MCM3: variants seen among roughly 807,000 people sequenced by gnomAD.
MCM3 encodes DNA replication licensing factor MCM3.
MCM3 carries 59 observed loss-of-function variants against 91.3 expected under a neutral mutation model. That is an observed-to-expected ratio of 0.65 (90% CI 0.52 to 0.80). The LOEUF is 0.80. Ranked by LOEUF, MCM3 falls within the 30% of genes least tolerant of loss-of-function variation. MCM3 has a pLI of 0.00. For synonymous variants in MCM3, 383 were observed against 379.6 expected (o/e 1.01, Z -0.10); for missense variants, 919 against 1,035.4 (o/e 0.89, Z 1.54).
chr6:52,268,762 AC>A (rs1225916791), intron 13 of MCM3, among the ~76,000 whole-genome samples: 1 of 151,788 alleles, frequency 6.6e-6, no homozygotes. Context: ...TTTTGAAAAC[AC>A]CTACTTTTTT....
At chr6:52,273,978 CT>C in intron 9 of MCM3, 62 bp from the exon 10 acceptor site, 1 of 1,370,206 alleles carries the variant, frequency 7.3e-7, no homozygotes, top group Non-Finnish European at 1.0e-6. Flanking sequence ...AACAACAAGG[CT>C]GCTGCAGTTC....
At chr6:52,272,720 C>G (rs2294829) in intron 11 of MCM3, among the ~76,000 whole-genome samples, 4 of 152,092 alleles carry the variant, frequency 2.6e-5, no homozygotes, top group South Asian at 2.1e-4. Flanking sequence ...CAGAGAAGCT[C>G]AAGTTGACTA....
chr6:52,271,509 G>A (rs1380638872), intron 12 of MCM3, among the ~76,000 whole-genome samples: 1 of 152,120 alleles, frequency 6.6e-6, no homozygotes, highest in African/African-American at 2.4e-5. Flanking sequence ...GGGTGTAGTG[G>A]TGCATGCCTG....
At position 52,283,387 on chromosome 6, in the gene MCM3, TGATA is replaced by T. The variant is rs1255601246; in HGVS notation, c.94_97del (p.Tyr32ArgfsTer7). 1.2e-6 allele frequency: 2 copies of T among 1,614,068 alleles called. No individual in the cohort carries two copies. The highest frequency in any genetic ancestry group is 2.2e-5 in the South Asian group (2 of 91,084). On this transcript the variant is annotated frameshift_variant, in exon 2 of 17. Coordinates refer to ENST00000596288, the MANE Select transcript of MCM3 (RefSeq NM_002388.6). LOFTEE classifies it high-confidence loss of function. ...ACTGATCAGCTCCCGAACTTTGCTC[TGATA>T]AATTCCCTGGTCTTCCTGCAAAACA...
intron 10 of MCM3, 85 bp from the exon 11 acceptor site, chr6:52,273,441 G>A: frequency 1.4e-6 from 2 of 1,386,602 alleles, no homozygotes; most frequent in Non-Finnish European, 2.0e-6. Context: ...AAGAAGGGGA[G>A]ACACCAAGAT....
rs773409479 is a variant in MCM3 at position 52,284,603 on chromosome 6, G to T, written c.72C>A (p.Asp24Glu). 1 of 1,607,230 alleles carries T rather than the reference G, an allele frequency of 6.2e-7. No homozygotes were observed. The highest frequency in any genetic ancestry group is 8.5e-7 in the Non-Finnish European group (1 of 1,178,266). ...EAQRDYLDFL[D>E]DEEDQGIYQS... ...GCGCCGGCGCCTCCCTCACCTCGTC[G>T]TCCAGGAAGTCCAGGTAATCTCTCT... Residue 24 changes from aspartate to glutamate, a missense_variant, in exon 1 of 17, where the codon GAC becomes GAA. This residue lies in a region of MCM3 where 401 missense variants were observed against 402.7 expected (regional missense o/e 1.00). Transcript: ENST00000596288.
Position 52,276,121 on chromosome 6 carries a change from A to G in MCM3, c.1374+147T>C, listed in dbSNP as rs187511755. On this transcript the variant is annotated intron_variant, in intron 9 of 16. Transcript: ENST00000596288. The stretch of plus-strand genomic sequence containing the variant: ...AGGAATGGGTGAGGAACACTGCTCT[A>G]AACAAAGGACAATAACAAGAAAATG... 2.3e-4 allele frequency: 169 copies of G among 720,448 alleles called. 2 individuals carry two copies. In the East Asian group the frequency reaches 4.3e-3, roughly 18 times the overall value. 44.6% of individuals were successfully genotyped at this position (720,448 alleles called of 1,614,324 possible). A position where few individuals can be genotyped will look rare whatever the true frequency, so the allele number is the denominator to read the frequency against.
Position 52,267,339 on chromosome 6 carries a change from G to A in MCM3, c.2072+526C>T, listed in dbSNP as rs186742713. ...TCTTGATCTCCTGACCTCGTGATCC[G>A]CCTGCCTCGGCCTCCCAAAGTGCTG... On this transcript the variant is annotated intron_variant, in intron 14 of 16. Coordinates refer to ENST00000596288, the MANE Select transcript of MCM3 (RefSeq NM_002388.6). Among the ~76,000 whole-genome samples, 526 of 151,740 alleles carry A rather than the reference G, an allele frequency of 3.5e-3. 1 individual carries two copies. The highest frequency in any genetic ancestry group is 0.012 in the African/African-American group (497 of 41,344).
Position 52,279,537 on chromosome 6 carries a change from G to A in MCM3, c.594C>T (p.Thr198=), listed in dbSNP as rs759809921. 6.2e-7 allele frequency: 1 copy of A among 1,614,090 alleles called. No individual in the cohort carries two copies. Among genetic ancestry groups the A allele is most frequent in the Non-Finnish European group, 8.5e-7 (1 of 1,180,024 alleles). The change falls in exon 5 of 17, where the codon ACC becomes ACT. Residue 198 remains threonine (T), a synonymous_variant. Coordinates refer to ENST00000596288, the MANE Select transcript of MCM3 (RefSeq NM_002388.6). ...YGLSVYKDHQ[T]ITIQEMPEKA... ...TCTCCGGCATCTCCTGGATGGTGAT[G>A]GTCTGGTGATCCTTGTAGACAGAAA...
intron 13 of MCM3, 126 bp from the exon 14 acceptor site, chr6:52,268,094 C>T: frequency 3.1e-6 from 4 of 1,299,882 alleles, no homozygotes; most frequent in Non-Finnish European, 4.4e-6. Context: ...GTTTACCTAG[C>T]TCCTCTTGTC....
At chr6:52,276,102 G>A in intron 9 of MCM3, 166 bp downstream of exon 9, 1 of 633,394 alleles carries the variant, frequency 1.6e-6, no homozygotes. Flanking sequence ...GTGCAGGAAT[G>A]GGTGAGGAAC....
intron 5 of MCM3, 149 bp downstream of exon 5, chr6:52,279,212 G>A: frequency 3.0e-6 from 2 of 677,856 alleles, no homozygotes; most frequent in Non-Finnish European, 5.1e-6. Flanking sequence ...TGATAGAAAA[G>A]AGGTATTGAA....
At chr6:52,275,181 A>C (rs1765457418) in intron 9 of MCM3, among the ~76,000 whole-genome samples, 1 of 152,224 alleles carries the variant, frequency 6.6e-6, no homozygotes. Flanking sequence ...TTTAATTCAG[A>C]AACTCTGAAC....
chr6:52,272,492 T>G, intron 11 of MCM3, 41 bp from the exon 12 acceptor site: 3 of 1,610,238 alleles, frequency 1.9e-6, no homozygotes, highest in Non-Finnish European at 2.5e-6. Context: ...CTGCCACACC[T>G]TACCACCTGC....
chr6:52,277,081 G>A lies in MCM3; in HGVS notation c.1151C>T (p.Thr384Ile), dbSNP rs778228634. 6.2e-7 allele frequency: 1 copy of A among 1,614,002 alleles called. No homozygotes were observed. The highest frequency in any genetic ancestry group is 8.5e-7 in the Non-Finnish European group (1 of 1,179,932). The change falls in exon 8 of 17, where the codon ACA becomes ATA. Residue 384 changes from threonine (T) to isoleucine (I), a missense_variant. Thr to Ile is a moderately conservative substitution (Grantham distance 89). This residue lies in a region of MCM3 where 233 missense variants were observed against 321.2 expected (regional missense o/e 0.73). Transcript: ENST00000596288. ...SGVGLTAAVT[T>I]DQETGERRLE... ...TACACCCTTACCTGTTTCCTGGTCTGTGGTGACAGCAGCCGTCAGACCCAC... is the reference window on the plus strand; with the variant it reads ...TACACCCTTACCTGTTTCCTGGTCTATGGTGACAGCAGCCGTCAGACCCAC...
At chr6:52,281,496 C>T (rs376337439) in intron 4 of MCM3, among the ~76,000 whole-genome samples, 2 of 151,786 alleles carry the variant, frequency 1.3e-5, no homozygotes, top group South Asian at 4.2e-4. Flanking sequence ...GGCAACATAG[C>T]GAGACCCTGT....
intron 12 of MCM3, among the ~76,000 whole-genome samples, chr6:52,270,067 T>C (rs1316750396): frequency 6.6e-6 from 1 of 152,194 alleles, no homozygotes; most frequent in African/African-American, 2.4e-5. Flanking sequence ...GGCTCACATC[T>C]GTAATCCTAG....
intron 14 of MCM3, among the ~76,000 whole-genome samples, chr6:52,267,233 G>C (rs889928689): frequency 1.3e-5 from 2 of 151,136 alleles, no homozygotes; most frequent in Non-Finnish European, 1.5e-5. Context: ...CAAGTAGCTG[G>C]GACTACAGGT....
In MCM3 at chr6:52,277,345, C is replaced by T. The variant is rs555271350; in HGVS notation, c.1034-147G>A. The T allele has an allele frequency of 7.6e-4, 737 of 974,170 alleles. 3 individuals are homozygous for T. Among genetic ancestry groups the T allele is most frequent in the Admixed American group, 1.2e-3 (42 of 34,240 alleles). The allele number at this position is 974,170 out of a possible 1,614,324, so 60.3% of individuals were successfully genotyped here. ...CCTTCGCTTTTCCCTTCACCACTCA[C>T]GGAAGAATATTTATATACTATAAAT... On this transcript the variant is annotated intron_variant, in intron 7 of 16. Transcript: ENST00000596288.
Sources: allele counts gnomAD v4.1 joint callset (sites outside exome capture counted in the v4.1 genomes callset), GRCh38; gene constraint gnomAD v4.1.1; regional missense constraint gnomAD v4.1.1; transcripts MANE v1.5; gene names NCBI Gene and HGNC (gene_info 2026-07-23, HGNC 2026-07-21).